The following EXOC2 variants were observed in gnomAD, a reference collection of about 807,000 sequenced individuals.
The protein encoded by EXOC2 is exocyst complex component 2.
In EXOC2, 70 loss-of-function variants were observed where a neutral mutation model predicts 131.8. The ratio of observed to expected loss-of-function variants is 0.53; its 90% CI spans 0.44 to 0.65. EXOC2 has a LOEUF of 0.65. EXOC2 is among the 30% of genes least tolerant of loss of function. The pLI is 0.00. For synonymous variants in EXOC2, 411 were observed against 398.4 expected (o/e 1.03, Z -0.38); for missense variants, 923 against 1,108.6 (o/e 0.83, Z 2.38).
chr6:658,659 ATATATATT>A (rs1290548426), intron 1 of EXOC2, among the ~76,000 whole-genome samples: 1 of 73,202 alleles, frequency 1.4e-5, no homozygotes, highest in African/African-American at 4.5e-5. Flanking sequence ...ATATATATAT[ATATATATT>A]TTTTTTTTTT....
intron 4 of EXOC2, among the ~76,000 whole-genome samples, chr6:624,348 C>T (rs1761444846): frequency 6.6e-6 from 1 of 152,152 alleles, no homozygotes; most frequent in Non-Finnish European, 1.5e-5. Flanking sequence ...AGAAGTTATT[C>T]CATTATGAAT....
intron 5 of EXOC2, 62 bp from the exon 6 acceptor site, chr6:617,897 T>C (rs1760619554): frequency 1.9e-6 from 3 of 1,571,790 alleles, no homozygotes; most frequent in Non-Finnish European, 2.6e-6. Flanking sequence ...AAAAAATAAT[T>C]CCTTCAGTGG....
Position 656,978 on chromosome 6 carries a change from G to A in EXOC2, c.-43-19117C>T, listed in dbSNP as rs769918844. The A allele has an allele frequency of 2.7e-6, 4 of 1,481,496 alleles. No individual in the cohort carries two copies. In the Admixed American group the frequency reaches 6.5e-5, roughly 24 times the overall value. 91.8% of individuals were successfully genotyped at this position (1,481,496 alleles called of 1,614,324 possible). ...AGGGAAGGCAGCTGGGGGCCTCTGA[G>A]GGGGATTCCGCGTGCCACAAGCCCT... On this transcript the variant is annotated intron_variant, in intron 1 of 27. Coordinates refer to ENST00000230449, the MANE Select transcript of EXOC2 (RefSeq NM_018303.6).
chr6:672,599 C>T lies in EXOC2; in HGVS notation c.-44+20420G>A, dbSNP rs138128908. ...AAGAAGTTGGGATGCTCTGTATCTGCCTGTTGTCTCTCCCATTTAGGGGAC... is the reference window on the plus strand; with the variant it reads ...AAGAAGTTGGGATGCTCTGTATCTGTCTGTTGTCTCTCCCATTTAGGGGAC... On this transcript the variant is annotated intron_variant, in intron 1 of 27. Coordinates refer to ENST00000230449, the MANE Select transcript of EXOC2 (RefSeq NM_018303.6). Among the ~76,000 whole-genome samples the T allele has an allele frequency of 2.2e-3, 331 of 152,300 alleles. 1 individual carries two copies. Among genetic ancestry groups the T allele is most frequent in the Admixed American group, 4.1e-3 (62 of 15,300 alleles).
chr6:531,895 T>C (rs1420710668), intron 23 of EXOC2, among the ~76,000 whole-genome samples: 3 of 152,250 alleles, frequency 2.0e-5, no homozygotes, highest in Non-Finnish European at 4.4e-5. Context: ...CAGAAAGCAA[T>C]AGTTATTTTA....
At chr6:511,568 C>A (rs1052430565) in intron 23 of EXOC2, among the ~76,000 whole-genome samples, 7 of 152,230 alleles carry the variant, frequency 4.6e-5, no homozygotes, top group Non-Finnish European at 1.5e-5. Flanking sequence ...CCTGTTGGGA[C>A]TGACGACATT....
intron 13 of EXOC2, among the ~76,000 whole-genome samples, chr6:566,018 T>G (rs965401486): frequency 1.3e-5 from 2 of 152,214 alleles, no homozygotes; most frequent in African/African-American, 2.4e-5. Flanking sequence ...AAACTGTAGT[T>G]TCCATTCATT....
intron 16 of EXOC2, among the ~76,000 whole-genome samples, chr6:563,767 T>G (rs1319983681): frequency 6.6e-6 from 1 of 152,232 alleles, no homozygotes; most frequent in Non-Finnish European, 1.5e-5. Flanking sequence ...CCCTATGTTT[T>G]CTACTTAACA....
intron 7 of EXOC2, among the ~76,000 whole-genome samples, chr6:606,472 A>G (rs1238530519): frequency 6.6e-6 from 1 of 152,218 alleles, no homozygotes; most frequent in Non-Finnish European, 1.5e-5. Context: ...AAAACATCAG[A>G]AACATTTAAA....
chr6:530,476 G>T (rs6938671), intron 23 of EXOC2, among the ~76,000 whole-genome samples: 99,212 of 152,146 alleles, frequency 0.65, 33,286 homozygotes, highest in South Asian at 0.81. Context: ...CGGGCACAGA[G>T]AGTGGCAAGA....
At chr6:663,381 C>T (rs1457539604) in intron 1 of EXOC2, among the ~76,000 whole-genome samples, 2 of 152,072 alleles carry the variant, frequency 1.3e-5, no homozygotes, top group African/African-American at 4.8e-5. Flanking sequence ...GAATTGGTAC[C>T]AATCCTTTTG....
At chr6:579,809 T>C (rs1057452131) in intron 11 of EXOC2, among the ~76,000 whole-genome samples, 3 of 151,934 alleles carry the variant, frequency 2.0e-5, no homozygotes, top group African/African-American at 7.2e-5. Flanking sequence ...TCCTTTTAAA[T>C]TACATAACTT....
intron 22 of EXOC2, among the ~76,000 whole-genome samples, chr6:539,451 C>T (rs1766673298): frequency 6.6e-6 from 1 of 151,926 alleles, no homozygotes; most frequent in Non-Finnish European, 1.5e-5. Flanking sequence ...TTCTTAGCAG[C>T]AATCACGTAC....
In EXOC2 at chr6:521,060, A is replaced by ACATGAAAACCACCACCCATC. The variant is rs1243317886; in HGVS notation, c.2380+11408_2380+11409insGATGGGTGGTGGTTTTCATG. Among the ~76,000 whole-genome samples, 6 of 72,980 alleles carry ACATGAAAACCACCACCCATC rather than the reference A, an allele frequency of 8.2e-5. 1 individual carries two copies. The highest frequency in any genetic ancestry group is 1.1e-4 in the Non-Finnish European group (4 of 36,812). 47.9% of individuals were successfully genotyped at this position (72,980 alleles called of 152,430 possible). ...GCCGACACTCGCCGTCCACACTCGG[A>ACATGAAAACCACCACCCATC]GAGGAAAACCACCACCCACCGAGCG... On this transcript the variant is annotated intron_variant, in intron 23 of 27. Transcript: ENST00000230449.
At chr6:518,280 A>G (rs1189841554) in intron 23 of EXOC2, among the ~76,000 whole-genome samples, 2 of 151,388 alleles carry the variant, frequency 1.3e-5, no homozygotes, top group Non-Finnish European at 2.9e-5. Flanking sequence ...AGGGGCACAG[A>G]TCAGACAAGA....
chr6:665,977 T>C (rs1041882439), intron 1 of EXOC2, among the ~76,000 whole-genome samples: 18 of 152,222 alleles, frequency 1.2e-4, no homozygotes, highest in Non-Finnish European at 2.2e-4. Flanking sequence ...TCAAGAGAAA[T>C]GTGGTCTGCT....
At chr6:498,460 AT>A (rs1389285202) in intron 24 of EXOC2, among the ~76,000 whole-genome samples, 1 of 152,200 alleles carries the variant, frequency 6.6e-6, no homozygotes, top group Non-Finnish European at 1.5e-5. Context: ...GAATTTTTAT[AT>A]TTTTTATAAG....
chr6:569,903 T>C (rs578082779), intron 13 of EXOC2, among the ~76,000 whole-genome samples: 116 of 152,320 alleles, frequency 7.6e-4, no homozygotes, highest in African/African-American at 2.7e-3. Context: ...AAATATTTCA[T>C]TTATATGTTT....
chr6:499,106 G>T (rs1763895631), intron 24 of EXOC2, among the ~76,000 whole-genome samples: 1 of 152,098 alleles, frequency 6.6e-6, no homozygotes, highest in South Asian at 2.1e-4. Context: ...GTTTTCGCAT[G>T]GCCCAGAAGC....
Sources: allele counts gnomAD v4.1 joint callset (sites outside exome capture counted in the v4.1 genomes callset), GRCh38; gene constraint gnomAD v4.1.1; transcripts MANE v1.5; gene names NCBI Gene and HGNC (gene_info 2026-07-23, HGNC 2026-07-21).